Variants in ETV4 observed in about 807,000 individuals in gnomAD.
ETV4 encodes the protein ETS variant transcription factor 4, also known as ETS translocation variant 4.
Under a neutral mutation model 65.9 loss-of-function variants are expected in ETV4, and 42 were observed. That is an observed-to-expected ratio of 0.64 (90% confidence interval 0.50 to 0.82). The LOEUF (loss-of-function observed/expected upper bound fraction) is 0.82. ETV4 is among the 40% of genes least tolerant of loss of function. ETV4 has a pLI of 0.00. For synonymous variants in ETV4, 238 were observed against 260.0 expected (o/e 0.92, Z 0.81); for missense variants, 583 against 630.3 (o/e 0.92, Z 0.80).
At chr17:43,530,372 A>C in intron 8 of ETV4, 191 bp from the exon 9 acceptor site, 1 of 1,442,214 alleles carries the variant, frequency 6.9e-7, no homozygotes, top group Non-Finnish European at 9.1e-7. Flanking sequence ...TGATGCTGGA[A>C]CCCCTCCTCA....
chr17:43,528,890 A>T, intron 12 of ETV4, 147 bp from the exon 13 acceptor site: 1 of 709,418 alleles, frequency 1.4e-6, no homozygotes, highest in East Asian at 2.7e-5. Context: ...TGAGAAGCTG[A>T]CTCTCCCTTC....
intron 4 of ETV4, among the ~76,000 whole-genome samples, chr17:43,536,812 A>G (rs970978887): frequency 6.6e-6 from 1 of 152,262 alleles, no homozygotes; most frequent in African/African-American, 2.4e-5. Context: ...CTTGCTTGAG[A>G]CTAAAGGCTG....
intron 5 of ETV4, 132 bp downstream of exon 5, chr17:43,536,294 C>T (rs145578703): frequency 1.8e-3 from 1,462 of 790,962 alleles, no homozygotes; most frequent in Non-Finnish European, 2.6e-3. Flanking sequence ...CCAGTTATTG[C>T]CTTGGTCTTT....
rs747958996 is a variant in ETV4 at position 43,533,324 on chromosome 17, G to T, written c.408C>A (p.Ile136=). ...YSSAYDPPRQ[I]AIKSPAPGAL... ...CACCAGGGGCAGGGGACTTGATGGC[G>T]ATTTGTCTGGGGGGGTCATAGGCAC... is the stretch of plus-strand genomic sequence containing the variant. Residue 136 remains isoleucine, a synonymous_variant, in exon 7 of 13, where the codon ATC becomes ATA. Coordinates refer to ENST00000319349, the MANE Select transcript of ETV4 (RefSeq NM_001079675.5). The T allele has an allele frequency of 6.2e-7, 1 of 1,613,728 alleles. No homozygotes were observed. The highest frequency in any genetic ancestry group is 8.5e-7 in the Non-Finnish European group (1 of 1,179,766).
In ETV4 at chr17:43,529,644, G is replaced by A. The variant is rs1970783375; in HGVS notation, c.988C>T (p.Arg330Ter). ...DIKQEGVGAF[R>*]EGPPYQRRGA... ...CGGCGCTGGTAGGGCGGCCCCTCTC[G>A]AAATGCACCGACCCCTTCCTGCTTG... Residue 330 changes from arginine (R) to a stop codon, truncating the protein, a stop_gained, in exon 11 of 13, where the codon CGA (arginine) becomes TGA (stop). Transcript: ENST00000319349. LOFTEE classifies it high-confidence loss of function. 7 of 1,613,534 alleles carry A rather than the reference G, an allele frequency of 4.3e-6. No homozygotes were observed. The highest frequency in any genetic ancestry group is 3.3e-5 in the South Asian group (3 of 91,036).
chr17:43,542,353 C>T (rs1422512354), intron 4 of ETV4, among the ~76,000 whole-genome samples: 3 of 152,128 alleles, frequency 2.0e-5, no homozygotes, highest in Non-Finnish European at 4.4e-5. Flanking sequence ...ACAAAGGGGT[C>T]ATGGCCTAGA....
At chr17:43,532,320 G>A (rs1344370365) in intron 8 of ETV4, among the ~76,000 whole-genome samples, 3 of 152,248 alleles carry the variant, frequency 2.0e-5, no homozygotes, top group Admixed American at 2.0e-4. Flanking sequence ...CCAGCATGGC[G>A]AAACCCCATC....
chr17:43,529,948 A>G lies in ETV4; in HGVS notation c.891T>C (p.Tyr297=), dbSNP rs747710717. 5.0e-6 allele frequency: 8 copies of G among 1,614,198 alleles called. No individual in the cohort carries two copies. Among genetic ancestry groups the G allele is most frequent in the Non-Finnish European group, 6.8e-6 (8 of 1,180,028 alleles). The stretch of plus-strand genomic sequence containing the variant: ...ATGGTCGCAGAGGTTTCTCATAGCC[A>G]TAGCCTTGTGGAGGAAATTGGGGGT... ...GPSPGDGAMG[Y]GYEKPLRPFP... Residue 297 remains tyrosine, a synonymous_variant, in exon 10 of 13, where the codon TAT becomes TAC. Coordinates refer to ENST00000319349, the MANE Select transcript of ETV4 (RefSeq NM_001079675.5).
At chr17:43,536,085 T>G (rs565742962) in intron 5 of ETV4, among the ~76,000 whole-genome samples, 2 of 152,190 alleles carry the variant, frequency 1.3e-5, no homozygotes, top group South Asian at 4.2e-4. Context: ...CACTCCAGCC[T>G]GGGTGACAGA....
At chr17:43,539,733 C>G (rs532363728) in intron 4 of ETV4, among the ~76,000 whole-genome samples, 3 of 152,314 alleles carry the variant, frequency 2.0e-5, no homozygotes, top group Non-Finnish European at 2.9e-5. Flanking sequence ...CAGGCTCCCC[C>G]TCTCCACACA....
Position 43,528,170 on chromosome 17 carries a change from T to C in ETV4, c.*349A>G, listed in dbSNP as rs533283267. 3 of 252,990 alleles carry C rather than the reference T, an allele frequency of 1.2e-5. No individual in the cohort carries two copies. The highest frequency in any genetic ancestry group is 1.2e-4 in the East Asian group (2 of 17,184). 15.7% of individuals were successfully genotyped at this position (252,990 alleles called of 1,614,324 possible). Reference sequence around the variant, plus strand: ...TCCTCACCCTCCTGCCAGTATGAAGTTGGGAAGCGCCTTCTCTGTCCCCCA... The same window carrying C: ...TCCTCACCCTCCTGCCAGTATGAAGCTGGGAAGCGCCTTCTCTGTCCCCCA... On this transcript the variant is annotated 3_prime_UTR_variant, in exon 13 of 13. Coordinates refer to ENST00000319349, the MANE Select transcript of ETV4 (RefSeq NM_001079675.5).
intron 8 of ETV4, among the ~76,000 whole-genome samples, chr17:43,532,462 G>C (rs1382406349): frequency 1.3e-5 from 2 of 151,662 alleles, no homozygotes; most frequent in Non-Finnish European, 2.9e-5. Context: ...TCGTGCCACT[G>C]CACTCTAGCC....
chr17:43,528,714 A>G lies in ETV4; in HGVS notation c.1260T>C (p.Phe420=). ...KVAGERYVYK[F]VCEPEALFSL... ...AGAAGAGGGCCTCGGGCTCACACAC[A>G]AACTTGTACACGTAACGCTCACCAG... is the stretch of plus-strand genomic sequence containing the variant. Residue 420 remains phenylalanine, a synonymous_variant, in exon 13 of 13, where the codon TTT becomes TTC. Coordinates refer to ENST00000319349, the MANE Select transcript of ETV4 (RefSeq NM_001079675.5). The G allele has an allele frequency of 1.9e-6, 3 of 1,614,118 alleles. No homozygotes were observed. The highest frequency in any genetic ancestry group is 1.1e-5 in the South Asian group (1 of 91,086).
At position 43,533,974 on chromosome 17, in the gene ETV4, T is replaced by C. The variant is rs1384141713; in HGVS notation, c.268A>G (p.Ser90Gly). Residue 90 changes from serine to glycine, a missense_variant, in exon 6 of 13, where the codon AGC becomes GGC. By Grantham distance (56) the Ser-to-Gly change is moderately conservative (BLOSUM62 0). Coordinates refer to ENST00000319349, the MANE Select transcript of ETV4 (RefSeq NM_001079675.5). ...TCCTTCTTGATCCTGGTGGTGGGGC[T>C]GTGGAAAGCTACTGTGGGGGTGGAG... ...DFHSENLAFHSPTTRIKKEPQ... is the reference protein window; with the variant it reads ...DFHSENLAFHGPTTRIKKEPQ... 2.0e-6 allele frequency: 3 copies of C among 1,532,920 alleles called. No individual in the cohort carries two copies. Among genetic ancestry groups the C allele is most frequent in the Non-Finnish European group, 2.6e-6 (3 of 1,152,110 alleles). 95.0% of individuals were successfully genotyped at this position (1,532,920 alleles called of 1,614,324 possible). A position where few individuals can be genotyped will look rare whatever the true frequency, so the allele number is the denominator to read the frequency against.
At chr17:43,535,834 G>A (rs555859328) in intron 5 of ETV4, among the ~76,000 whole-genome samples, 5 of 152,256 alleles carry the variant, frequency 3.3e-5, no homozygotes, top group East Asian at 3.9e-4. Context: ...AACTGGGGGC[G>A]GGCGCACTGG....
At position 43,528,702 on chromosome 17, in the gene ETV4, G is replaced by C. The variant is rs370057391; in HGVS notation, c.1272C>G (p.Pro424=). 3 of 1,614,122 alleles carry C rather than the reference G, an allele frequency of 1.9e-6. No individual in the cohort carries two copies. Among genetic ancestry groups the C allele is most frequent in the Admixed American group, 3.3e-5 (2 of 60,014 alleles). ...GGAAGGCCAAAGAGAAGAGGGCCTC[G>C]GGCTCACACACAAACTTGTACACGT... is the stretch of plus-strand genomic sequence containing the variant. ...ERYVYKFVCE[P]EALFSLAFPD... Residue 424 remains proline (P), a synonymous_variant, in exon 13 of 13, where the codon CCC becomes CCG. Transcript: ENST00000319349.
intron 8 of ETV4, among the ~76,000 whole-genome samples, chr17:43,531,529 C>A (rs1448732657): frequency 1.3e-5 from 2 of 152,168 alleles, no homozygotes; most frequent in East Asian, 3.9e-4. Flanking sequence ...CATGGTGAAA[C>A]CCCGTCTCTA....
rs757718456 is a variant in ETV4 at position 43,533,276 on chromosome 17, C to T, written c.456G>A (p.Gln152=). 2.5e-5 allele frequency: 40 copies of T among 1,613,726 alleles called. 1 individual carries two copies. The South Asian group carries it at 4.2e-4, about 17-fold the overall frequency. Residue 152 remains glutamine (Q), a synonymous_variant, in exon 7 of 13, where the codon CAG becomes CAA. Coordinates refer to ENST00000319349, the MANE Select transcript of ETV4 (RefSeq NM_001079675.5). ...APGALGQSPL[Q]PFPRAEQRNF... is the part of the protein sequence containing the mutation. ...TCCGTTGCTCTGCCCGGGGAAAGGGCTGTAGGGGCGACTGTCCAAGGGCAC... is the reference window on the plus strand; with the variant it reads ...TCCGTTGCTCTGCCCGGGGAAAGGGTTGTAGGGGCGACTGTCCAAGGGCAC...
intron 5 of ETV4, among the ~76,000 whole-genome samples, chr17:43,535,215 C>T (rs1447918499): frequency 6.6e-6 from 1 of 152,188 alleles, no homozygotes; most frequent in East Asian, 1.9e-4. Context: ...CTTTGTGCCC[C>T]ATTGTTTCAC....
Sources: allele counts gnomAD v4.1 joint callset (sites outside exome capture counted in the v4.1 genomes callset), GRCh38; gene constraint gnomAD v4.1.1; transcripts MANE v1.5; gene names NCBI Gene and HGNC (gene_info 2026-07-23, HGNC 2026-07-21).